Variants in ROBO1 observed in about 807,000 individuals in gnomAD.
ROBO1 encodes roundabout guidance receptor 1.
ROBO1 carries 149 observed loss-of-function variants against 195.9 expected under a neutral mutation model. The observed-to-expected ratio is 0.76, with a 90% confidence interval of 0.67 to 0.87. ROBO1 has a LOEUF of 0.87. ROBO1 is among the 40% of genes least tolerant of loss of function. The pLI is 0.00. For missense variants in ROBO1, 1,933 were observed against 2,068.3 expected (o/e 0.93, Z 1.27); for synonymous variants, 816 against 733.2 (o/e 1.11, Z -1.82).
At chr3:79,580,027 G>T (rs1307933639) in intron 2 of ROBO1, among the ~76,000 whole-genome samples, 1 of 152,022 alleles carries the variant, frequency 6.6e-6, no homozygotes, top group Non-Finnish European at 1.5e-5. Context: ...AAGTTGAAAG[G>T]CCATTTAGAT....
At chr3:78,885,434 A>AC (rs1217623062) in intron 4 of ROBO1, among the ~76,000 whole-genome samples, 2 of 150,252 alleles carry the variant, frequency 1.3e-5, no homozygotes, top group Admixed American at 6.6e-5. Context: ...AAAAAAAAAA[A>AC]AAAAAAAACT....
At chr3:79,331,166 A>G (rs2034424461) in intron 2 of ROBO1, among the ~76,000 whole-genome samples, 1 of 152,258 alleles carries the variant, frequency 6.6e-6, no homozygotes, top group Admixed American at 6.5e-5. Flanking sequence ...GAACTTTAAG[A>G]AAATGAATGC....
At chr3:79,044,190 T>A (rs1310337259) in intron 3 of ROBO1, among the ~76,000 whole-genome samples, 2 of 152,060 alleles carry the variant, frequency 1.3e-5, no homozygotes, top group African/African-American at 2.4e-5. Flanking sequence ...CAAATTTGTG[T>A]TAGCCTGCAG....
chr3:78,838,178 A>T (rs1053047051), intron 4 of ROBO1, among the ~76,000 whole-genome samples: 2 of 152,226 alleles, frequency 1.3e-5, no homozygotes, highest in African/African-American at 4.8e-5. Context: ...CTTACAAGTT[A>T]ACCTTTCTAT....
chr3:79,016,476 G>A (rs1331062319), intron 3 of ROBO1, among the ~76,000 whole-genome samples: 2 of 152,188 alleles, frequency 1.3e-5, no homozygotes, highest in Non-Finnish European at 2.9e-5. Flanking sequence ...AGAAATCAGT[G>A]TAGCTCTAAC....
chr3:78,991,425 G>A (rs1265938962), intron 3 of ROBO1, among the ~76,000 whole-genome samples: 2 of 152,196 alleles, frequency 1.3e-5, no homozygotes, highest in Non-Finnish European at 2.9e-5. Context: ...TGAAGACACA[G>A]ATTAATTGAA....
intron 1 of ROBO1, among the ~76,000 whole-genome samples, chr3:79,660,766 A>G (rs1002550541): frequency 6.6e-6 from 1 of 152,124 alleles, no homozygotes; most frequent in Non-Finnish European, 1.5e-5. Context: ...TAATACCCAA[A>G]TGGGCACGTA....
Position 78,635,875 on chromosome 3 carries a change from T to C in ROBO1, c.3271A>G (p.Ser1091Gly), listed in dbSNP as rs763728927. Residue 1091 changes from serine (S) to glycine (G), a missense_variant, in exon 23 of 31, where the codon AGC (serine) becomes GGC (glycine). By Grantham distance (56) the Ser-to-Gly change is moderately conservative. Coordinates refer to ENST00000464233, the MANE Select transcript of ROBO1 (RefSeq NM_002941.4). ...SNLSNNMNNG[S>G]GDSGEKHWKP... Reference sequence around the variant, plus strand: ...CAGTGCTTCTCGCCAGAGTCCCCGCTGCCATTGTTCATGTTGTTGCTGAGG... The same window carrying C: ...CAGTGCTTCTCGCCAGAGTCCCCGCCGCCATTGTTCATGTTGTTGCTGAGG... 1 of 1,613,912 alleles carries C rather than the reference T, an allele frequency of 6.2e-7. No individual in the cohort carries two copies. Among genetic ancestry groups the C allele is most frequent in the East Asian group, 2.2e-5 (1 of 44,864 alleles).
At chr3:78,944,893 A>G (rs367878859) in intron 3 of ROBO1, among the ~76,000 whole-genome samples, 2 of 152,150 alleles carry the variant, frequency 1.3e-5, no homozygotes, top group African/African-American at 4.8e-5. Flanking sequence ...AGGGTCCTAC[A>G]CCCAGGGAGT....
At chr3:79,149,221 C>A (rs2080715312) in intron 2 of ROBO1, among the ~76,000 whole-genome samples, 1 of 151,906 alleles carries the variant, frequency 6.6e-6, no homozygotes, top group African/African-American at 2.4e-5. Context: ...TCCATTTAAA[C>A]TACTCAGTGA....
At chr3:78,622,772 A>C (rs1037601617) in intron 26 of ROBO1, among the ~76,000 whole-genome samples, 5 of 152,188 alleles carry the variant, frequency 3.3e-5, no homozygotes, top group Admixed American at 2.0e-4. Flanking sequence ...GCCAGCTGCC[A>C]TGAAAGAGTT....
At chr3:79,723,467 A>G (rs1009764002) in intron 1 of ROBO1, among the ~76,000 whole-genome samples, 23 of 152,212 alleles carry the variant, frequency 1.5e-4, no homozygotes, top group Non-Finnish European at 2.9e-4. Flanking sequence ...GATGCACTTC[A>G]TAATACTCCC....
chr3:78,708,987 G>A (rs78988765), intron 8 of ROBO1, among the ~76,000 whole-genome samples: 4,832 of 152,160 alleles, frequency 0.032, 131 homozygotes, highest in African/African-American at 0.073. Flanking sequence ...GATTTTGTTT[G>A]TGTATTTTAG....
intron 2 of ROBO1, among the ~76,000 whole-genome samples, chr3:79,153,664 G>C (rs144375083): frequency 6.7e-6 from 1 of 149,368 alleles, no homozygotes; most frequent in African/African-American, 2.4e-5. Flanking sequence ...AAATATACTC[G>C]TCTGCTTAAT....
chr3:78,740,806 A>G (rs933476789), intron 5 of ROBO1, among the ~76,000 whole-genome samples: 3 of 152,084 alleles, frequency 2.0e-5, no homozygotes, highest in Non-Finnish European at 4.4e-5. Flanking sequence ...TTCATGACAC[A>G]CTTATGCAGA....
intron 2 of ROBO1, among the ~76,000 whole-genome samples, chr3:79,379,102 T>TTACACATGTACAC (rs149412496): frequency 2.0e-5 from 3 of 152,144 alleles, no homozygotes; most frequent in South Asian, 2.1e-4. Context: ...TAGTGGAACA[T>TTACACATGTACAC]TACACATGTA....
chr3:79,411,087 T>G (rs1469235686), intron 2 of ROBO1, among the ~76,000 whole-genome samples: 2 of 152,178 alleles, frequency 1.3e-5, no homozygotes, highest in African/African-American at 4.8e-5. Flanking sequence ...TGTCTCTTTT[T>G]GAAGATAAAT....
intron 8 of ROBO1, among the ~76,000 whole-genome samples, chr3:78,701,656 T>A (rs1251730282): frequency 6.6e-6 from 1 of 152,210 alleles, no homozygotes; most frequent in Non-Finnish European, 1.5e-5. Flanking sequence ...ACTAATGACC[T>A]AAAAGGCACT....
intron 2 of ROBO1, among the ~76,000 whole-genome samples, chr3:79,174,718 A>C (rs2081234889): frequency 6.7e-6 from 1 of 150,206 alleles, no homozygotes; most frequent in Non-Finnish European, 1.5e-5. Context: ...AAAAAAAAAA[A>C]CTGGTCGGTC....
Sources: allele counts gnomAD v4.1 joint callset (sites outside exome capture counted in the v4.1 genomes callset), GRCh38; gene constraint gnomAD v4.1.1; transcripts MANE v1.5; gene names NCBI Gene and HGNC (gene_info 2026-07-23, HGNC 2026-07-21).